The following FBXO25 variants were observed in gnomAD, a reference collection of about 807,000 sequenced individuals.
FBXO25 encodes the protein F-box only protein 25.
FBXO25 carries 45 observed loss-of-function variants against 51.9 expected under a neutral mutation model. That is an observed-to-expected ratio of 0.87 (90% CI 0.68 to 1.11). FBXO25 has a LOEUF of 1.11. Ranked by LOEUF, FBXO25 falls within the 50% of genes most tolerant of loss-of-function variation. The probability of loss-of-function intolerance (pLI) is 0.00; values close to 1 mark genes in which losing one functional copy is unlikely to be tolerated. For synonymous variants in FBXO25, 199 were observed against 151.0 expected (o/e 1.32, Z -2.33); for missense variants, 507 against 428.5 (o/e 1.18, Z -1.62).
intron 8 of FBXO25, among the ~76,000 whole-genome samples, chr8:461,637 A>AAAAAC (rs973027349): frequency 5.3e-5 from 8 of 152,022 alleles, no homozygotes; most frequent in Non-Finnish European, 1.2e-4. Flanking sequence ...TCACCTCAGG[A>AAAAAC]AAAACAAAAC....
rs746004468 is a variant in FBXO25 at position 431,433 on chromosome 8, C to T, written c.227C>T (p.Thr76Ile). 3.4e-6 allele frequency: 5 copies of T among 1,486,960 alleles called. No homozygotes were observed. The East Asian group carries it at 9.4e-5, about 28-fold the overall frequency. 92.1% of individuals were successfully genotyped at this position (1,486,960 alleles called of 1,614,324 possible). Residue 76 changes from threonine to isoleucine, a missense_variant, in exon 3 of 10, where the codon ACA becomes ATA. By Grantham distance (89) the Thr-to-Ile change is moderately conservative. Transcript: ENST00000350302. ...KRKKDHFRND[T>I]NTQSFYREKW... ...AAAAAGGACCATTTTAGAAATGACACAAATACTCAAAGTAAGATCATTCTC... is the reference window on the plus strand; with the variant it reads ...AAAAAGGACCATTTTAGAAATGACATAAATACTCAAAGTAAGATCATTCTC...
intron 1 of FBXO25, among the ~76,000 whole-genome samples, chr8:410,049 C>G (rs1406756219): frequency 1.3e-5 from 2 of 152,136 alleles, no homozygotes; most frequent in Non-Finnish European, 2.9e-5. Flanking sequence ...TGCCTTGCCT[C>G]TCCATTCATT....
At position 409,649 on chromosome 8, in the gene FBXO25, G is replaced by C. The variant is rs184923074; in HGVS notation, c.-8+2583G>C. 7.4e-4 allele frequency among the ~76,000 whole-genome samples: 112 copies of C among 152,236 alleles called. 1 individual carries two copies. Among genetic ancestry groups the C allele is most frequent in the African/African-American group, 2.5e-3 (104 of 41,546 alleles). On this transcript the variant is annotated intron_variant, in intron 1 of 9. Transcript: ENST00000350302. ...AAGTACAATATTTGTGTGTCATCAA[G>C]TTTTAAAATATTTTTTCAGCTGAGG...
At chr8:453,072 A>G (rs547962478) in intron 7 of FBXO25, among the ~76,000 whole-genome samples, 50 of 152,346 alleles carry the variant, frequency 3.3e-4, no homozygotes, top group South Asian at 1.7e-3. Flanking sequence ...CCTGGTAGGC[A>G]GAGCACACTT....
chr8:458,287 C>G (rs948167107), intron 7 of FBXO25, 82 bp from the exon 8 acceptor site: 1 of 1,462,704 alleles, frequency 6.8e-7, no homozygotes, highest in Non-Finnish European at 9.4e-7. Context: ...TTGAAGCATT[C>G]ATTCCAGCTT....
chr8:474,973 C>T lies in FBXO25; in HGVS notation c.*6169C>T, dbSNP rs909476368. 1.7e-5 allele frequency: 7 copies of T among 401,570 alleles called. No homozygotes were observed. Among genetic ancestry groups the T allele is most frequent in the Non-Finnish European group, 3.4e-5 (7 of 207,522 alleles). 24.9% of individuals were successfully genotyped at this position (401,570 alleles called of 1,614,324 possible). On this transcript the variant is annotated 3_prime_UTR_variant, in exon 10 of 10. Transcript: ENST00000350302. ...TCACTCTGTTTTGTTCTTTGATGTA[C>T]AGAAGTTGTTTCTTTCTTTTAGTTA...
chr8:460,524 C>T (rs1290559757), intron 8 of FBXO25, among the ~76,000 whole-genome samples: 1 of 152,040 alleles, frequency 6.6e-6, no homozygotes, highest in Non-Finnish European at 1.5e-5. Flanking sequence ...AAAGTAAAAA[C>T]TAGATACCTG....
chr8:458,048 C>T (rs1160231637), intron 7 of FBXO25, among the ~76,000 whole-genome samples: 1 of 152,238 alleles, frequency 6.6e-6, no homozygotes, highest in Non-Finnish European at 1.5e-5. Context: ...CGCTGCCCTT[C>T]TCCAGGTGCG....
chr8:419,960 G>T (rs922183649), intron 2 of FBXO25, among the ~76,000 whole-genome samples: 29 of 152,124 alleles, frequency 1.9e-4, no homozygotes, highest in African/African-American at 7.0e-4. Flanking sequence ...TAGTTTCGGT[G>T]AACCTGTACT....
chr8:425,296 A>G (rs1288202643), intron 2 of FBXO25, among the ~76,000 whole-genome samples: 1 of 151,686 alleles, frequency 6.6e-6, no homozygotes, highest in Non-Finnish European at 1.5e-5. Flanking sequence ...AAAATTTGAT[A>G]TGTTTTTAAA....
chr8:407,380 C>G (rs1354986984), intron 1 of FBXO25: 1 of 981,028 alleles, frequency 1.0e-6, no homozygotes. Flanking sequence ...TCCGCGGGCG[C>G]GTCAGGTAGG....
rs536354179 is a variant in FBXO25, at chr8:444,583, T to G, written c.382-5407T>G. Among the ~76,000 whole-genome samples the G allele has an allele frequency of 3.3e-5, 5 of 152,356 alleles. 1 individual carries two copies. In the South Asian group the frequency reaches 1.0e-3, roughly 32 times the overall value. On this transcript the variant is annotated intron_variant, in intron 5 of 9. Transcript: ENST00000350302. ...TGAAAAAAAATACAGATTCTCTATT[T>G]GAAGGATGTACTTTCTTTCTCTTTA...
At chr8:420,094 C>A (rs531216954) in intron 2 of FBXO25, among the ~76,000 whole-genome samples, 2 of 152,202 alleles carry the variant, frequency 1.3e-5, no homozygotes, top group East Asian at 1.9e-4. Flanking sequence ...AAGGTAAACA[C>A]TGCAGCTAGC....
intron 1 of FBXO25, among the ~76,000 whole-genome samples, chr8:412,196 T>C (rs898293367): frequency 1.3e-5 from 2 of 152,206 alleles, no homozygotes; most frequent in Admixed American, 1.3e-4. Flanking sequence ...TGTCCTAAGC[T>C]GAAATTAATA....
intron 2 of FBXO25, among the ~76,000 whole-genome samples, chr8:427,410 T>C (rs7834538): frequency 6.7e-6 from 1 of 149,604 alleles, no homozygotes; most frequent in African/African-American, 2.5e-5. Context: ...TCATGGCAAC[T>C]TGTTGCATTT....
At position 477,368 on chromosome 8, in the gene FBXO25, C is replaced by G. The variant is rs73671711; in HGVS notation, c.*8564C>G. 6.6e-6 allele frequency: 1 copy of G among 152,240 alleles called. No individual in the cohort carries two copies. Among genetic ancestry groups the G allele is most frequent in the Non-Finnish European group, 1.5e-5 (1 of 68,052 alleles). 9.4% of individuals were successfully genotyped at this position (152,240 alleles called of 1,614,324 possible). A position where few individuals can be genotyped will look rare whatever the true frequency, so the allele number is the denominator to read the frequency against. ...GAAAGTGGGCTACTGCAGTCTCCTACTCTTACTGTAGAACTATCCATTTCT... is the reference window on the plus strand; with the variant it reads ...GAAAGTGGGCTACTGCAGTCTCCTAGTCTTACTGTAGAACTATCCATTTCT... On this transcript the variant is annotated 3_prime_UTR_variant, in exon 10 of 10. Coordinates refer to ENST00000350302, the MANE Select transcript of FBXO25 (RefSeq NM_183420.2).
chr8:417,007 T>G (rs1444836903), intron 2 of FBXO25, among the ~76,000 whole-genome samples: 3 of 152,120 alleles, frequency 2.0e-5, no homozygotes, highest in African/African-American at 7.2e-5. Flanking sequence ...GAGAGCAGGA[T>G]GAATGGATAT....
intron 2 of FBXO25, among the ~76,000 whole-genome samples, chr8:427,952 G>A (rs1164242427): frequency 6.6e-6 from 1 of 152,106 alleles, no homozygotes; most frequent in East Asian, 1.9e-4. Context: ...AGTGGTCTGG[G>A]AGATGAAGAT....
intron 5 of FBXO25, among the ~76,000 whole-genome samples, chr8:437,934 G>A (rs1279585375): frequency 1.3e-5 from 2 of 151,966 alleles, no homozygotes; most frequent in African/African-American, 4.8e-5. Flanking sequence ...AGTATTATTA[G>A]AATACCTATA....
Sources: allele counts gnomAD v4.1 joint callset (sites outside exome capture counted in the v4.1 genomes callset), GRCh38; gene constraint gnomAD v4.1.1; transcripts MANE v1.5; gene names NCBI Gene and HGNC (gene_info 2026-07-23, HGNC 2026-07-21).